The following R3HDM1 variants were observed in gnomAD, a reference collection of about 807,000 sequenced individuals.
R3HDM1 encodes the protein R3H domain containing 1.
In R3HDM1, 46 loss-of-function variants were observed where a neutral mutation model predicts 141.1. The observed-to-expected ratio is 0.33, with a 90% CI of 0.26 to 0.42. The LOEUF (loss-of-function observed/expected upper bound fraction) is 0.42, where lower values mean the gene tolerates loss of function less well. Among genes scored for constraint, R3HDM1 ranks in the 10% least tolerant of loss-of-function variants. The pLI is 1.00. For synonymous variants in R3HDM1, 435 were observed against 472.9 expected (o/e 0.92, Z 1.04); for missense variants, 1,184 against 1,368.3 (o/e 0.87, Z 2.12).
intron 1 of R3HDM1, chr2:135,533,894 A>C: frequency 7.1e-6 from 5 of 705,226 alleles, no homozygotes; most frequent in Non-Finnish European, 8.7e-6. Context: ...AAAACAGAAA[A>C]TTAGAGGTAA....
chr2:135,651,419 C>T (rs2065132650), intron 17 of R3HDM1: 1 of 977,746 alleles, frequency 1.0e-6, no homozygotes, highest in African/African-American at 1.8e-5. Context: ...CTTCTACATT[C>T]TAATGTTGCT....
intron 24 of R3HDM1, chr2:135,721,697 C>T (rs2076712185): frequency 5.1e-6 from 2 of 388,524 alleles, no homozygotes; most frequent in South Asian, 4.9e-5. Flanking sequence ...AAGCAGTTCT[C>T]ATGCCTCAGC....
chr2:135,614,134 T>G (rs2060799076), intron 3 of R3HDM1, among the ~76,000 whole-genome samples: 1 of 152,220 alleles, frequency 6.6e-6, no homozygotes, highest in Admixed American at 6.5e-5. Flanking sequence ...GTTTGTTAAA[T>G]GAAGTCAAAT....
chr2:135,535,294 T>A (rs1695821910), intron 1 of R3HDM1, among the ~76,000 whole-genome samples: 1 of 152,048 alleles, frequency 6.6e-6, no homozygotes, highest in African/African-American at 2.4e-5. Flanking sequence ...AGGTCAGCAG[T>A]TCGAGACCAG....
chr2:135,620,629 A>G (rs1574418784), intron 5 of R3HDM1: 1 of 979,262 alleles, frequency 1.0e-6, no homozygotes, highest in Non-Finnish European at 1.2e-6. Context: ...TGACTATAGA[A>G]CAACAGTATA....
intron 21 of R3HDM1, among the ~76,000 whole-genome samples, chr2:135,699,164 AAGACTTTAGG>A (rs1379442158): frequency 6.6e-6 from 1 of 152,078 alleles, no homozygotes; most frequent in Non-Finnish European, 1.5e-5. Flanking sequence ...AAATATATAG[AAGACTTTAGG>A]AGAAAAAAAG....
chr2:135,696,868 A>C (rs2073324939), intron 21 of R3HDM1, among the ~76,000 whole-genome samples: 2 of 152,336 alleles, frequency 1.3e-5, no homozygotes, highest in East Asian at 3.9e-4. Context: ...AAATTATTAA[A>C]AACAAGAGTA....
chr2:135,659,128 C>T (rs1036008265), intron 18 of R3HDM1, among the ~76,000 whole-genome samples: 9 of 150,976 alleles, frequency 6.0e-5, no homozygotes, highest in Admixed American at 1.3e-4. Context: ...GACAGAGTCT[C>T]ACTTTGTCAC....
chr2:135,634,070 C>G (rs890628153), intron 9 of R3HDM1, among the ~76,000 whole-genome samples: 11 of 152,146 alleles, frequency 7.2e-5, no homozygotes, highest in African/African-American at 2.4e-4. Flanking sequence ...ATGGTCAGAA[C>G]TAAATAAAAA....
chr2:135,569,718 C>CTTTTTTTTTTTTTTTTTTTT (rs139858819), intron 1 of R3HDM1, among the ~76,000 whole-genome samples: 2 of 129,362 alleles, frequency 1.5e-5, no homozygotes, highest in African/African-American at 7.8e-5. Flanking sequence ...ATAGTAAGCT[C>CTTTTTTTTTTTTTTTTTTTT]TTTTTTTTTT....
Position 135,614,071 on chromosome 2 carries a change from C to T in R3HDM1, c.172-2081C>T, listed in dbSNP as rs974685565. Reference sequence around the variant, plus strand: ...CCAGGAACTATGTCTTATTCATCTTCATAGCTCTAGTGCCTAGCACAGTAC... The same window carrying T: ...CCAGGAACTATGTCTTATTCATCTTTATAGCTCTAGTGCCTAGCACAGTAC... On this transcript the variant is annotated intron_variant, in intron 3 of 26. Transcript: ENST00000683871. Among the ~76,000 whole-genome samples, 4 of 152,322 alleles carry T rather than the reference C, an allele frequency of 2.6e-5. No homozygotes were observed. The South Asian group carries it at 8.3e-4, about 32-fold the overall frequency.
chr2:135,689,672 G>T (rs2071995639), intron 21 of R3HDM1, among the ~76,000 whole-genome samples: 1 of 152,194 alleles, frequency 6.6e-6, no homozygotes, highest in Non-Finnish European at 1.5e-5. Flanking sequence ...GTTTGGATTG[G>T]ATTGTGTTGT....
At chr2:135,604,342 T>C (rs1409636639) in intron 2 of R3HDM1, among the ~76,000 whole-genome samples, 1 of 152,236 alleles carries the variant, frequency 6.6e-6, no homozygotes, top group East Asian at 1.9e-4. Context: ...TAAATACACA[T>C]ATATTATTCT....
intron 6 of R3HDM1, 46 bp downstream of exon 6, chr2:135,621,654 G>C (rs1200490394): frequency 6.8e-7 from 1 of 1,470,724 alleles, no homozygotes. Flanking sequence ...TTTGCTATCA[G>C]TAATTCCATC....
intron 1 of R3HDM1, chr2:135,587,082 C>T: frequency 1.3e-6 from 1 of 742,050 alleles, no homozygotes; most frequent in African/African-American, 1.9e-5. Context: ...CTATGATTAA[C>T]ATAATCAGAT....
chr2:135,634,891 A>C lies in R3HDM1; in HGVS notation c.699-999A>C, dbSNP rs1435768048. Among the ~76,000 whole-genome samples, 3 of 152,324 alleles carry C rather than the reference A, an allele frequency of 2.0e-5. No homozygotes were observed. The East Asian group carries it at 5.8e-4, about 29-fold the overall frequency. On this transcript the variant is annotated intron_variant, in intron 9 of 26. Coordinates refer to ENST00000683871, the MANE Select transcript of R3HDM1 (RefSeq NM_001378107.1). Reference sequence around the variant, plus strand: ...TTTATAATAGAATGATAGTCACAGGAGTATTGATTCAATTAATTTGTTGAA... The same window carrying C: ...TTTATAATAGAATGATAGTCACAGGCGTATTGATTCAATTAATTTGTTGAA...
chr2:135,640,416 G>A lies in R3HDM1; in HGVS notation c.1220-1120G>A, dbSNP rs371126332. On this transcript the variant is annotated intron_variant, in intron 14 of 26. Transcript: ENST00000683871. The stretch of plus-strand genomic sequence containing the variant: ...CCACTTGGTCATCATAACAGAAAAA[G>A]CTATTTATGTATCATGAGAAAATTA... Among the ~76,000 whole-genome samples the A allele has an allele frequency of 9.9e-5, 15 of 152,198 alleles. No homozygotes were observed. The South Asian group carries it at 2.1e-3, about 21-fold the overall frequency.
rs984808382 is a variant in R3HDM1 at position 135,646,696 on chromosome 2, A to C, written c.1623+1169A>C. 3.3e-5 allele frequency among the ~76,000 whole-genome samples: 5 copies of C among 151,570 alleles called. 1 individual carries two copies. The highest frequency in any genetic ancestry group is 3.3e-4 in the Admixed American group (5 of 15,212). On this transcript the variant is annotated intron_variant, in intron 16 of 26. Transcript: ENST00000683871. Reference sequence around the variant, plus strand: ...AACCCCCGTCTCTACTAAAAATACAAAAATTAGTCGGGTGTGGTGGTATGC... The same window carrying C: ...AACCCCCGTCTCTACTAAAAATACACAAATTAGTCGGGTGTGGTGGTATGC...
At chr2:135,597,785 A>G (rs2059315385) in intron 1 of R3HDM1, among the ~76,000 whole-genome samples, 1 of 152,132 alleles carries the variant, frequency 6.6e-6, no homozygotes, top group African/African-American at 2.4e-5. Flanking sequence ...GAATATTTTT[A>G]CCTATAGGAG....
Sources: gnomAD v4.1 joint callset for allele counts (sites outside exome capture counted in the v4.1 genomes callset) on GRCh38, gnomAD v4.1.1 for gene constraint, MANE v1.5 for transcripts, NCBI Gene and HGNC (gene_info 2026-07-23, HGNC 2026-07-21) for gene names.